CSGALNACT1: variants seen among roughly 807,000 people sequenced by gnomAD.
CSGALNACT1 encodes the protein chondroitin sulfate N-acetylgalactosaminyltransferase 1, also known as beta4GalNAcT-1.
A neutral mutation model predicts 51.0 loss-of-function variants in CSGALNACT1; 52 were observed. The ratio of observed to expected loss-of-function variants is 1.02; its 90% CI spans 0.82 to 1.29. The LOEUF is 1.29. Ranked by LOEUF, CSGALNACT1 falls within the 50% of genes most tolerant of loss-of-function variation. The pLI is 0.00. For missense variants in CSGALNACT1, 935 were observed against 679.2 expected (o/e 1.38, Z -4.19); for synonymous variants, 341 against 254.4 (o/e 1.34, Z -3.24).
intron 5 of CSGALNACT1, among the ~76,000 whole-genome samples, chr8:19,453,885 C>G (rs905604997): frequency 4.9e-5 from 7 of 142,338 alleles, no homozygotes; most frequent in African/African-American, 1.8e-4. Flanking sequence ...GCACTCCAGC[C>G]TGGGTGACAG....
At chr8:19,483,889 G>A (rs750431998) in intron 4 of CSGALNACT1, among the ~76,000 whole-genome samples, 11 of 152,178 alleles carry the variant, frequency 7.2e-5, no homozygotes, top group Non-Finnish European at 1.5e-4. Context: ...CTGACAGATA[G>A]CTGTCCCCAC....
At chr8:19,712,632 A>G (rs1021421551) in intron 1 of CSGALNACT1, among the ~76,000 whole-genome samples, 2 of 152,048 alleles carry the variant, frequency 1.3e-5, no homozygotes, top group Non-Finnish European at 2.9e-5. Flanking sequence ...TCTGCACTCT[A>G]ACTACCGCCA....
At chr8:19,712,944 C>A (rs2062596596) in intron 1 of CSGALNACT1, among the ~76,000 whole-genome samples, 1 of 152,166 alleles carries the variant, frequency 6.6e-6, no homozygotes, top group Non-Finnish European at 1.5e-5. Flanking sequence ...TCTAAAACAT[C>A]ATTGTAAGGA....
intron 1 of CSGALNACT1, among the ~76,000 whole-genome samples, chr8:19,618,629 CAAAAAAAA>C (rs60787326): frequency 1.9e-4 from 12 of 64,034 alleles, no homozygotes; most frequent in African/African-American, 3.3e-4. Flanking sequence ...AATACTCCAT[CAAAAAAAA>C]AAAAAAAAAA....
chr8:19,520,783 A>G (rs899440813), intron 3 of CSGALNACT1, among the ~76,000 whole-genome samples: 2 of 152,114 alleles, frequency 1.3e-5, no homozygotes, highest in Admixed American at 1.3e-4. Context: ...TAACTTTCTG[A>G]TACCTCCTAT....
chr8:19,581,551 G>T (rs1164338990), intron 3 of CSGALNACT1, among the ~76,000 whole-genome samples: 1 of 152,152 alleles, frequency 6.6e-6, no homozygotes, highest in Admixed American at 6.5e-5. Flanking sequence ...AGGTTGCAGT[G>T]AGCCGAGATC....
intron 4 of CSGALNACT1, among the ~76,000 whole-genome samples, chr8:19,470,313 G>C (rs1460638923): frequency 1.3e-5 from 2 of 152,172 alleles, no homozygotes; most frequent in Non-Finnish European, 2.9e-5. Context: ...ATTAAAAGTA[G>C]AATAATGGGT....
At chr8:19,556,008 C>T (rs1310826114) in intron 3 of CSGALNACT1, among the ~76,000 whole-genome samples, 1 of 152,074 alleles carries the variant, frequency 6.6e-6, no homozygotes, top group Non-Finnish European at 1.5e-5. Context: ...TTTTTTTACC[C>T]TCGAAGATAA....
chr8:19,455,653 T>C (rs1450867881), intron 5 of CSGALNACT1, among the ~76,000 whole-genome samples: 2 of 152,182 alleles, frequency 1.3e-5, no homozygotes, highest in South Asian at 4.1e-4. Flanking sequence ...GTATTTACCC[T>C]CTCGCATCCC....
chr8:19,444,270 G>C (rs1191274268), intron 5 of CSGALNACT1, among the ~76,000 whole-genome samples: 3 of 152,200 alleles, frequency 2.0e-5, no homozygotes. Flanking sequence ...TAAATGCTAT[G>C]TAAAGTGTTT....
At chr8:19,517,341 G>A (rs1189083297) in intron 3 of CSGALNACT1, among the ~76,000 whole-genome samples, 1 of 152,154 alleles carries the variant, frequency 6.6e-6, no homozygotes, top group Admixed American at 6.5e-5. Flanking sequence ...TCGGGAGGCT[G>A]AGGCAGGAGA....
chr8:19,710,891 C>T (rs552531044), intron 1 of CSGALNACT1, among the ~76,000 whole-genome samples: 47 of 152,062 alleles, frequency 3.1e-4, no homozygotes, highest in Middle Eastern at 6.8e-3. Context: ...TTTCTTTATT[C>T]GATTGCATCA....
chr8:19,718,399 G>C (rs2062934378), intron 1 of CSGALNACT1, among the ~76,000 whole-genome samples: 1 of 152,092 alleles, frequency 6.6e-6, no homozygotes, highest in Admixed American at 6.5e-5. Context: ...ACCGAGCCTG[G>C]CCACAGGCTT....
chr8:19,655,284 C>A (rs537245949), intron 1 of CSGALNACT1, among the ~76,000 whole-genome samples: 2 of 152,284 alleles, frequency 1.3e-5, no homozygotes, highest in South Asian at 4.1e-4. Flanking sequence ...TATGCCATCA[C>A]TCAAGAGAAG....
At chr8:19,650,887 G>A (rs1212163218) in intron 1 of CSGALNACT1, among the ~76,000 whole-genome samples, 2 of 152,138 alleles carry the variant, frequency 1.3e-5, no homozygotes, top group East Asian at 1.9e-4. Flanking sequence ...GAAGAGTCAC[G>A]AGTTGCTCCC....
intron 1 of CSGALNACT1, among the ~76,000 whole-genome samples, chr8:19,621,129 G>A (rs1589086254): frequency 6.6e-6 from 1 of 152,212 alleles, no homozygotes; most frequent in Non-Finnish European, 1.5e-5. Flanking sequence ...AGTAACTACT[G>A]TATTTAAGTT....
Position 19,550,103 on chromosome 8 carries a change from A to G in CSGALNACT1, c.-297+41057T>C, listed in dbSNP as rs76620721. Among the ~76,000 whole-genome samples, 1,373 of 152,080 alleles carry G rather than the reference A, an allele frequency of 9.0e-3. 18 individuals carry two copies. Among genetic ancestry groups the G allele is most frequent in the African/African-American group, 0.031 (1,281 of 41,486 alleles). ...TTTCAATTCTGTAGCATTTTTGTGT[A>G]GTTGTCTCTTCTGCATTTTCTTCAT... On this transcript the variant is annotated intron_variant, in intron 3 of 9. Coordinates refer to ENST00000454498, the Ensembl canonical transcript of CSGALNACT1.
At chr8:19,495,518 C>T (rs751214617) in intron 4 of CSGALNACT1, among the ~76,000 whole-genome samples, 13 of 152,248 alleles carry the variant, frequency 8.5e-5, no homozygotes, top group Non-Finnish European at 8.8e-5. Context: ...AATGACACCT[C>T]GCAGGGATCA....
At chr8:19,496,434 G>C (rs776238539) in intron 4 of CSGALNACT1, among the ~76,000 whole-genome samples, 1 of 152,202 alleles carries the variant, frequency 6.6e-6, no homozygotes, top group Non-Finnish European at 1.5e-5. Context: ...GTTGGAACTA[G>C]GTTGTGAGGT....
Sources: allele counts gnomAD v4.1 joint callset (sites outside exome capture counted in the v4.1 genomes callset), GRCh38; gene constraint gnomAD v4.1.1; transcripts MANE v1.5; gene names NCBI Gene and HGNC (gene_info 2026-07-23, HGNC 2026-07-21).